Variants in SGSM3 observed in about 807,000 individuals in gnomAD.
SGSM3 encodes small G protein signaling modulator 3, also known as RUN and SH3 containing 3.
Under a neutral mutation model 100.5 loss-of-function variants are expected in SGSM3, and 96 were observed. The ratio of observed to expected loss-of-function variants is 0.96; its 90% CI spans 0.81 to 1.13. SGSM3 has a LOEUF of 1.13. Ranked by LOEUF, SGSM3 falls within the 50% of genes most tolerant of loss-of-function variation. SGSM3 has a pLI of 0.00. For synonymous variants in SGSM3, 483 were observed against 422.8 expected (o/e 1.14, Z -1.75); for missense variants, 1,001 against 1,015.8 (o/e 0.99, Z 0.20).
At chr22:40,382,788 C>T (rs1424933583) in intron 1 of SGSM3, among the ~76,000 whole-genome samples, 1 of 152,174 alleles carries the variant, frequency 6.6e-6, no homozygotes, top group East Asian at 1.9e-4. Flanking sequence ...CCATGCCAAG[C>T]ATGTGATAGG....
chr22:40,373,194 T>A (rs555061450), intron 1 of SGSM3, among the ~76,000 whole-genome samples: 2 of 152,354 alleles, frequency 1.3e-5, no homozygotes, highest in East Asian at 3.9e-4. Context: ...AATTTAAGTC[T>A]ACCTGACTCT....
In SGSM3 at chr22:40,407,520, G is replaced by A. The variant is rs748048010; in HGVS notation, c.1476G>A (p.Glu492=). ...RRRAKALLDF[E]RHDDDELGFR... ...GAGCCAAGGCCCTGCTGGACTTTGA[G>A]CGGCACGACGACGACGAGCTGGGCT... Residue 492 remains glutamate, a synonymous_variant, in exon 13 of 22, where the codon GAG becomes GAA. Transcript: ENST00000248929. The surrounding 1 kb of genome is among the most constrained non-coding windows in gnomAD (Gnocchi z 4.7). 8 of 1,608,444 alleles carry A rather than the reference G, an allele frequency of 5.0e-6. No individual in the cohort carries two copies. In the African/African-American group the frequency reaches 9.3e-5, roughly 19 times the overall value.
At chr22:40,399,297 ACTTTT>A (rs2146943664) in intron 1 of SGSM3, among the ~76,000 whole-genome samples, 2 of 152,154 alleles carry the variant, frequency 1.3e-5, no homozygotes, top group South Asian at 4.1e-4. Flanking sequence ...AGATGTCTTT[ACTTTT>A]AATCATGGTG....
intron 6 of SGSM3, 176 bp from the exon 7 acceptor site, chr22:40,404,965 T>A (rs1003819529): frequency 2.5e-6 from 1 of 402,000 alleles, no homozygotes; most frequent in East Asian, 1.6e-4. Context: ...GTTTCCCAGC[T>A]GGATTTGATG....
At chr22:40,404,716 GGAGA>G (rs1569205461) in intron 6 of SGSM3, 52 bp downstream of exon 6, 3 of 1,297,604 alleles carry the variant, frequency 2.3e-6, no homozygotes. Context: ...TGGGCTCGCA[GGAGA>G]GAGGGAGCCT....
At chr22:40,404,756 T>C in intron 6 of SGSM3, 92 bp downstream of exon 6, 1 of 880,624 alleles carries the variant, frequency 1.1e-6, no homozygotes, top group Non-Finnish European at 1.8e-6. Context: ...AGTGTGCCCT[T>C]GTTGTGGGGT....
intron 8 of SGSM3, 40 bp from the exon 9 acceptor site, chr22:40,406,035 TCCA>T: frequency 6.3e-7 from 1 of 1,599,420 alleles, no homozygotes; most frequent in Non-Finnish European, 8.5e-7. Flanking sequence ...GAGGGAGGTT[TCCA>T]CCACCTCCTC....
rs367970556 is a variant in SGSM3 at position 40,409,791 on chromosome 22, C to T, written c.*32C>T. On this transcript the variant is annotated 3_prime_UTR_variant, in exon 22 of 22. Coordinates refer to ENST00000248929, the MANE Select transcript of SGSM3 (RefSeq NM_015705.6). ...CCTCCCCAGCCCAACCTCGGGCCTG[C>T]GTCTGAGGTGGCCCAGGACCCCAAG... 5.1e-5 allele frequency: 81 copies of T among 1,593,166 alleles called. 1 individual carries two copies. Among genetic ancestry groups the T allele is most frequent in the East Asian group, 2.5e-4 (11 of 44,704 alleles).
intron 16 of SGSM3, 81 bp from the exon 17 acceptor site, chr22:40,408,546 T>G: frequency 6.3e-7 from 1 of 1,591,638 alleles, no homozygotes; most frequent in South Asian, 1.1e-5. Context: ...GGCAGCGTGG[T>G]GACAGGTGCC....
At chr22:40,404,692 A>G in intron 6 of SGSM3, 28 bp downstream of exon 6, 1 of 1,529,112 alleles carries the variant, frequency 6.5e-7, no homozygotes, top group Non-Finnish European at 9.0e-7. Flanking sequence ...GTGCAGGAAG[A>G]GCTGGAGGCT....
chr22:40,408,272 A>G lies in SGSM3; in HGVS notation c.1630-5A>G. The G allele has an allele frequency of 6.2e-7, 1 of 1,613,252 alleles. No individual in the cohort carries two copies. Among genetic ancestry groups the G allele is most frequent in the South Asian group, 1.1e-5 (1 of 91,030 alleles). On this transcript the variant is annotated splice_region_variant and splice_polypyrimidine_tract_variant and intron_variant, in intron 15 of 21. Coordinates refer to ENST00000248929, the MANE Select transcript of SGSM3 (RefSeq NM_015705.6). ...GGGCTTTCTCAGACCCATCCCTCCC[A>G]TCAGTACTCCATCGCGGGGGATGAC...
At position 40,385,733 on chromosome 22, in the gene SGSM3, TATG is replaced by T. The variant is rs745873148; in HGVS notation, c.-111-14958_-111-14956del. 3.9e-5 allele frequency among the ~76,000 whole-genome samples: 6 copies of T among 152,238 alleles called. No homozygotes were observed. The East Asian group carries it at 7.7e-4, about 20-fold the overall frequency. ...GATTTGAAAGTATCGCTGAAGGAAA[TATG>T]ATGAAAAGTCAACTAGAGATGAATG... is the stretch of plus-strand genomic sequence containing the variant. On this transcript the variant is annotated intron_variant, in intron 1 of 21. Coordinates refer to ENST00000248929, the MANE Select transcript of SGSM3 (RefSeq NM_015705.6).
chr22:40,406,154 C>G lies in SGSM3; in HGVS notation c.891C>G (p.Ile297Met), dbSNP rs1487575582. Residue 297 changes from isoleucine to methionine, a missense_variant, in exon 9 of 22, where the codon ATC (isoleucine) becomes ATG (methionine). Physicochemically the swap from Ile to Met is conservative, Grantham distance 10. Coordinates refer to ENST00000248929, the MANE Select transcript of SGSM3 (RefSeq NM_015705.6). ...SVVDIKLLLRIWDLFFYEGSR... is the reference protein window; with the variant it reads ...SVVDIKLLLRMWDLFFYEGSR... ...TGGACATCAAGCTGCTCCTGCGCAT[C>G]TGGGACCTGTTTTTCTACGAGGGCT... is the stretch of plus-strand genomic sequence containing the variant. 6.2e-7 allele frequency: 1 copy of G among 1,614,164 alleles called. No homozygotes were observed. The highest frequency in any genetic ancestry group is 1.6e-4 in the Middle Eastern group (1 of 6,062).
At chr22:40,395,029 C>G (rs1259056539) in intron 1 of SGSM3, among the ~76,000 whole-genome samples, 1 of 152,232 alleles carries the variant, frequency 6.6e-6, no homozygotes, top group Non-Finnish European at 1.5e-5. Flanking sequence ...CATTTTCTCA[C>G]TTAACCTCAT....
At chr22:40,388,991 G>T (rs903070573) in intron 1 of SGSM3, among the ~76,000 whole-genome samples, 1 of 152,162 alleles carries the variant, frequency 6.6e-6, no homozygotes, top group African/African-American at 2.4e-5. Flanking sequence ...TGGATGTGCT[G>T]GTCTGAGGTT....
intron 1 of SGSM3, among the ~76,000 whole-genome samples, chr22:40,372,317 G>A (rs1363199184): frequency 1.3e-5 from 2 of 151,532 alleles, no homozygotes; most frequent in Non-Finnish European, 2.9e-5. Context: ...TAGTAGAGAC[G>A]GGGTTTCACC....
At chr22:40,376,492 T>C (rs926437419) in intron 1 of SGSM3, 2 of 152,156 alleles carry the variant, frequency 1.3e-5, no homozygotes, top group Admixed American at 1.3e-4. Context: ...TTACAAGTTA[T>C]CTGTCATGCC....
chr22:40,405,227 G>A lies in SGSM3; in HGVS notation c.561G>A (p.Val187=), dbSNP rs1050106569. 19 of 1,576,402 alleles carry A rather than the reference G, an allele frequency of 1.2e-5. No individual in the cohort carries two copies. The African/African-American group carries it at 2.2e-4, about 18-fold the overall frequency. The change falls in exon 7 of 22, where the codon GTG becomes GTA. Residue 187 remains valine (V), a synonymous_variant. Coordinates refer to ENST00000248929, the MANE Select transcript of SGSM3 (RefSeq NM_015705.6). ...TCGGGGTGCCCCGCCTGCGCAGGGT[G>A]CTCCGGGCCCTGGCCTGGCTCTACC... is the stretch of plus-strand genomic sequence containing the variant. ...GSIGVPRLRR[V]LRALAWLYPE...
Position 40,400,747 on chromosome 22 carries a change from T to A in SGSM3, c.-60T>A. ...CCTGAGGAGCCTTCCAGCTCTAAGA[T>A]AGCAGGATAGGAGACTTCTAAGATT... On this transcript the variant is annotated 5_prime_UTR_variant, in exon 2 of 22. Coordinates refer to ENST00000248929, the MANE Select transcript of SGSM3 (RefSeq NM_015705.6). The A allele has an allele frequency of 2.0e-6, 3 of 1,528,108 alleles. No homozygotes were observed. The highest frequency in any genetic ancestry group is 2.7e-6 in the Non-Finnish European group (3 of 1,125,628). The allele number at this position is 1,528,108 out of a possible 1,614,324, so 94.7% of individuals were successfully genotyped here. A position where few individuals can be genotyped will look rare whatever the true frequency, so the allele number is the denominator to read the frequency against.
Sources: allele counts gnomAD v4.1 joint callset (sites outside exome capture counted in the v4.1 genomes callset), GRCh38; gene constraint gnomAD v4.1.1; non-coding constraint Gnocchi (gnomAD v3.1); transcripts MANE v1.5; gene names NCBI Gene and HGNC (gene_info 2026-07-23, HGNC 2026-07-21).